MGAT4C: variants seen among roughly 807,000 people sequenced by gnomAD.
MGAT4C encodes the protein MGAT4 family member C.
MGAT4C carries 19 observed loss-of-function variants against 40.1 expected under a neutral mutation model. That is an observed-to-expected ratio of 0.47 (90% CI 0.33 to 0.70). The LOEUF (loss-of-function observed/expected upper bound fraction) is 0.70. Ranked by LOEUF, MGAT4C falls within the 30% of genes least tolerant of loss-of-function variation. MGAT4C has a pLI of 0.02. For synonymous variants in MGAT4C, 181 were observed against 187.1 expected (o/e 0.97, Z 0.27); for missense variants, 491 against 563.2 (o/e 0.87, Z 1.30).
intron 1 of MGAT4C, among the ~76,000 whole-genome samples, chr12:86,214,460 T>A (rs142168895): frequency 6.6e-6 from 1 of 152,344 alleles, no homozygotes; most frequent in Non-Finnish European, 1.5e-5. Flanking sequence ...TGATTCCATG[T>A]AGGCTACTAT....
At chr12:86,235,292 A>G (rs1223623788) in intron 1 of MGAT4C, among the ~76,000 whole-genome samples, 1 of 152,062 alleles carries the variant, frequency 6.6e-6, no homozygotes, top group African/African-American at 2.4e-5. Flanking sequence ...ATGAATTTTA[A>G]CATACACTTC....
chr12:86,238,151 C>G (rs2136035559), intron 1 of MGAT4C, among the ~76,000 whole-genome samples: 1 of 151,914 alleles, frequency 6.6e-6, no homozygotes, highest in South Asian at 2.1e-4. Context: ...GGCTTTTGTT[C>G]TCCAGTGGAG....
intron 2 of MGAT4C, among the ~76,000 whole-genome samples, chr12:86,518,749 C>T (rs1958741637): frequency 6.6e-6 from 1 of 152,094 alleles, no homozygotes; most frequent in African/African-American, 2.4e-5. Flanking sequence ...TTCTATCAGG[C>T]ATATTCAGTA....
chr12:86,191,673 A>ACACC lies in MGAT4C; in HGVS notation c.-57+64565_-57+64566insGGTG, dbSNP rs1555243691. On this transcript the variant is annotated intron_variant, in intron 1 of 4. Coordinates refer to ENST00000611864, the MANE Select transcript of MGAT4C (RefSeq NM_001351288.2). ...CACACACACACACACACACACACAC[A>ACACC]CCCTTATCTCCTGTAGCAAAATTCA... 1.8e-3 allele frequency among the ~76,000 whole-genome samples: 222 copies of ACACC among 122,304 alleles called. 3 individuals carry two copies. The highest frequency in any genetic ancestry group is 3.4e-3 in the Admixed American group (42 of 12,474). The allele number at this position is 122,304 out of a possible 152,430, so 80.2% of individuals were successfully genotyped here.
chr12:86,617,635 C>A (rs936876104), intron 2 of MGAT4C, among the ~76,000 whole-genome samples: 1 of 151,200 alleles, frequency 6.6e-6, no homozygotes, highest in South Asian at 2.1e-4. Context: ...TTGCAGTGCG[C>A]GGAGATCCTG....
chr12:86,220,750 A>G (rs950219544), intron 1 of MGAT4C, among the ~76,000 whole-genome samples: 1 of 152,196 alleles, frequency 6.6e-6, no homozygotes, highest in East Asian at 1.9e-4. Context: ...TGACAGTAGC[A>G]TTATCACTCC....
At chr12:86,606,923 G>A (rs1427013384) in intron 2 of MGAT4C, among the ~76,000 whole-genome samples, 1 of 151,828 alleles carries the variant, frequency 6.6e-6, no homozygotes, top group South Asian at 2.1e-4. Flanking sequence ...GTATTTAGAT[G>A]GTTCAATAAT....
chr12:86,831,247 GA>G (rs1165684078), intron 1 of MGAT4C, among the ~76,000 whole-genome samples: 2 of 151,604 alleles, frequency 1.3e-5, no homozygotes, highest in African/African-American at 2.4e-5. Flanking sequence ...AAAGAAGAAA[GA>G]AAAATCCCTG....
chr12:86,504,666 C>A (rs1017272163), intron 2 of MGAT4C, among the ~76,000 whole-genome samples: 2 of 152,040 alleles, frequency 1.3e-5, no homozygotes, highest in Non-Finnish European at 2.9e-5. Context: ...AATAGGAGGA[C>A]AACATATACA....
At chr12:86,573,760 T>C (rs1339636085) in intron 2 of MGAT4C, among the ~76,000 whole-genome samples, 1 of 151,996 alleles carries the variant, frequency 6.6e-6, no homozygotes, top group East Asian at 1.9e-4. Context: ...AATTGGCTTG[T>C]TAGAATTTAT....
At chr12:86,837,263 A>G (rs968180262) in intron 1 of MGAT4C, among the ~76,000 whole-genome samples, 6 of 152,192 alleles carry the variant, frequency 3.9e-5, no homozygotes, top group African/African-American at 1.4e-4. Flanking sequence ...AGTTCATGAA[A>G]AAAGAAGTAC....
intron 1 of MGAT4C, among the ~76,000 whole-genome samples, chr12:86,217,229 C>T (rs1227318322): frequency 1.3e-5 from 2 of 152,138 alleles, no homozygotes; most frequent in Non-Finnish European, 2.9e-5. Flanking sequence ...GACTGGAGTG[C>T]AGTGGCACAA....
chr12:86,365,078 C>T (rs1197906870), intron 3 of MGAT4C, among the ~76,000 whole-genome samples: 1 of 152,120 alleles, frequency 6.6e-6, no homozygotes, highest in Non-Finnish European at 1.5e-5. Flanking sequence ...TTCATCCCTA[C>T]AGCTTCGACC....
At chr12:86,680,718 A>G (rs1949966817) in intron 2 of MGAT4C, among the ~76,000 whole-genome samples, 1 of 152,218 alleles carries the variant, frequency 6.6e-6, no homozygotes, top group South Asian at 2.1e-4. Context: ...TCCTTGTTAC[A>G]GTGCTCCGAA....
chr12:86,298,440 T>C (rs1953733516), intron 4 of MGAT4C, among the ~76,000 whole-genome samples: 1 of 152,152 alleles, frequency 6.6e-6, no homozygotes, highest in South Asian at 2.1e-4. Flanking sequence ...TTTAATGTTA[T>C]ACATCAGCAA....
At chr12:86,490,255 TG>T (rs1380712136) in intron 2 of MGAT4C, among the ~76,000 whole-genome samples, 1 of 150,648 alleles carries the variant, frequency 6.6e-6, no homozygotes, top group African/African-American at 2.4e-5. Context: ...CAGAAGAGAG[TG>T]GGGGCCAATA....
At chr12:86,325,058 T>C (rs574290686) in intron 4 of MGAT4C, among the ~76,000 whole-genome samples, 5 of 152,174 alleles carry the variant, frequency 3.3e-5, no homozygotes, top group Non-Finnish European at 7.4e-5. Flanking sequence ...TGTTTTAATA[T>C]AAATGTTGCA....
At chr12:86,719,969 A>G (rs1362924512) in intron 2 of MGAT4C, among the ~76,000 whole-genome samples, 2 of 152,246 alleles carry the variant, frequency 1.3e-5, no homozygotes, top group East Asian at 3.9e-4. Flanking sequence ...AGAGTCTACA[A>G]AACTTAACCT....
At chr12:86,153,270 G>C (rs562384482) in intron 1 of MGAT4C, among the ~76,000 whole-genome samples, 1 of 152,120 alleles carries the variant, frequency 6.6e-6, no homozygotes, top group South Asian at 2.1e-4. Flanking sequence ...AGGCCACTAA[G>C]GAGAAAAAAC....
Sources: allele counts gnomAD v4.1 joint callset (sites outside exome capture counted in the v4.1 genomes callset), GRCh38; gene constraint gnomAD v4.1.1; transcripts MANE v1.5; gene names NCBI Gene and HGNC (gene_info 2026-07-23, HGNC 2026-07-21).